Variants in RPGRIP1L observed in about 807,000 individuals in gnomAD.
The protein encoded by RPGRIP1L is protein fantom.
A neutral mutation model predicts 160.4 loss-of-function variants in RPGRIP1L; 131 were observed. The observed-to-expected ratio is 0.82, with a 90% CI of 0.71 to 0.94. The LOEUF is 0.94. RPGRIP1L is among the 40% of genes least tolerant of loss of function. The pLI is 0.00. For missense variants in RPGRIP1L, 1,522 were observed against 1,535.8 expected (o/e 0.99, Z 0.15); for synonymous variants, 510 against 515.8 (o/e 0.99, Z 0.15).
At chr16:53,631,028 C>T (rs751109254) in intron 22 of RPGRIP1L, among the ~76,000 whole-genome samples, 12 of 152,220 alleles carry the variant, frequency 7.9e-5, no homozygotes, top group African/African-American at 2.6e-4. Context: ...CCACCGCACC[C>T]GGCCAAGTAA....
intron 9 of RPGRIP1L, among the ~76,000 whole-genome samples, chr16:53,665,711 G>C (rs550482053): frequency 6.6e-6 from 1 of 152,254 alleles, no homozygotes; most frequent in South Asian, 2.1e-4. Context: ...TAATAATCAA[G>C]ACCCAGCATA....
intron 10 of RPGRIP1L, chr16:53,659,635 C>T (rs1023485482): frequency 6.6e-6 from 1 of 152,214 alleles, no homozygotes; most frequent in Non-Finnish European, 1.5e-5. Context: ...ATAATCTCAG[C>T]ACTTTGGGAG....
chr16:53,673,717 G>C (rs186629581), intron 7 of RPGRIP1L, among the ~76,000 whole-genome samples: 1 of 151,912 alleles, frequency 6.6e-6, no homozygotes, highest in East Asian at 1.9e-4. Context: ...TCATTTAAAT[G>C]ACACATGGCT....
chr16:53,629,865 T>C (rs1432524972), intron 22 of RPGRIP1L, among the ~76,000 whole-genome samples: 1 of 152,162 alleles, frequency 6.6e-6, no homozygotes, highest in Non-Finnish European at 1.5e-5. Context: ...TGGGTTCCAA[T>C]AACAGTAGAG....
chr16:53,692,874 A>C (rs542220444), intron 3 of RPGRIP1L, among the ~76,000 whole-genome samples: 1 of 152,376 alleles, frequency 6.6e-6, no homozygotes, highest in Admixed American at 6.5e-5. Context: ...TATAAAGCCC[A>C]ATGAAAAATT....
chr16:53,619,505 A>T (rs961958602), intron 23 of RPGRIP1L, among the ~76,000 whole-genome samples: 2 of 152,186 alleles, frequency 1.3e-5, no homozygotes, highest in African/African-American at 4.8e-5. Flanking sequence ...AGATTATGAG[A>T]TCTTCATCTC....
chr16:53,605,210 G>A (rs1598204739), intron 26 of RPGRIP1L, among the ~76,000 whole-genome samples: 1 of 151,308 alleles, frequency 6.6e-6, no homozygotes, highest in East Asian at 1.9e-4. Flanking sequence ...TTTTTTTCAC[G>A]CCTTCACTCA....
At chr16:53,653,071 T>A in intron 14 of RPGRIP1L, 84 bp from the exon 15 acceptor site, 2 of 1,114,176 alleles carry the variant, frequency 1.8e-6, no homozygotes, top group African/African-American at 1.5e-5. Flanking sequence ...TAAGAATGAG[T>A]ACTTCTGGTG....
In RPGRIP1L at chr16:53,656,407, A is replaced by T. The variant is rs534907713; in HGVS notation, c.1699+65T>A. ...CACTGTAAGTGCAGATTTGGATGAC[A>T]TTATCAACTGTTATAAAATCCATTC... On this transcript the variant is annotated intron_variant, in intron 14 of 26. Transcript: ENST00000647211. 1.3e-5 allele frequency: 13 copies of T among 1,030,062 alleles called. No individual in the cohort carries two copies. The Admixed American group carries it at 2.2e-4, about 17-fold the overall frequency. The allele number at this position is 1,030,062 out of a possible 1,614,324, so 63.8% of individuals were successfully genotyped here.
intron 4 of RPGRIP1L, among the ~76,000 whole-genome samples, chr16:53,691,642 G>A (rs972653491): frequency 2.0e-5 from 3 of 152,140 alleles, no homozygotes; most frequent in Admixed American, 6.5e-5. Context: ...TCATGCTACC[G>A]CCATCCAATG....
intron 9 of RPGRIP1L, among the ~76,000 whole-genome samples, chr16:53,669,241 CATT>C (rs1295872042): frequency 3.3e-5 from 5 of 152,234 alleles, no homozygotes; most frequent in African/African-American, 1.2e-4. Context: ...ATTTCAAAAA[CATT>C]ATATTAGAGA....
rs1970740270 is a variant in RPGRIP1L, at chr16:53,696,146, A to G, written c.230+5T>C. 3 of 1,613,508 alleles carry G rather than the reference A, an allele frequency of 1.9e-6. No individual in the cohort carries two copies. Among genetic ancestry groups the G allele is most frequent in the Non-Finnish European group, 2.5e-6 (3 of 1,179,782 alleles). ...GAAAAAAAGCTAAAAGCTTTTTATC[A>G]TAACCTTTTAATTTTATCCTCCTGC... On this transcript the variant is annotated splice_donor_5th_base_variant and intron_variant, in intron 3 of 26. Coordinates refer to ENST00000647211, the MANE Select transcript of RPGRIP1L (RefSeq NM_015272.5).
intron 25 of RPGRIP1L, among the ~76,000 whole-genome samples, chr16:53,608,504 A>G (rs962721318): frequency 6.6e-6 from 1 of 152,224 alleles, no homozygotes; most frequent in Admixed American, 6.5e-5. Context: ...TATGACTTCA[A>G]ATAAATACTG....
chr16:53,605,749 A>G (rs1963642072), intron 25 of RPGRIP1L, 135 bp from the exon 26 acceptor site: 3 of 863,782 alleles, frequency 3.5e-6, no homozygotes, highest in East Asian at 5.2e-5. Context: ...AGAAAGGTAC[A>G]CTAGGCTAGA....
chr16:53,603,226 G>A (rs1441784516), intron 26 of RPGRIP1L, among the ~76,000 whole-genome samples: 2 of 152,222 alleles, frequency 1.3e-5, no homozygotes, highest in Middle Eastern at 6.3e-3. Flanking sequence ...CAATACCTGA[G>A]ACTCCATCCC....
In RPGRIP1L at chr16:53,656,540, T is replaced by C. The variant is rs139964287; in HGVS notation, c.1631A>G (p.Tyr544Cys). 1.1e-4 allele frequency: 180 copies of C among 1,613,990 alleles called. No homozygotes were observed. Among genetic ancestry groups the C allele is most frequent in the Non-Finnish European group, 1.4e-4 (170 of 1,179,992 alleles). The change falls in exon 14 of 27, where the codon TAT (tyrosine) becomes TGT (cysteine). Residue 544 changes from tyrosine to cysteine, a missense_variant. Coordinates refer to ENST00000647211, the MANE Select transcript of RPGRIP1L (RefSeq NM_015272.5). ...TRKMENLQQD[Y>C]ELKVEQYVHL... ...AACATACTGTTCCACTTTGAGTTCA[T>C]AATCTTGCTGCAAATTTTCCATCTT... is the stretch of plus-strand genomic sequence containing the variant.
intron 19 of RPGRIP1L, 35 bp downstream of exon 19, chr16:53,640,998 T>A (rs745335658): frequency 1.4e-6 from 2 of 1,431,384 alleles, no homozygotes; most frequent in Admixed American, 1.7e-5. Flanking sequence ...ATATTTGTTA[T>A]GAAAAAATCA....
rs545240242 is a variant in RPGRIP1L at position 53,672,972 on chromosome 16, A to G, written c.927T>C (p.Asn309=). 2 of 1,613,256 alleles carry G rather than the reference A, an allele frequency of 1.2e-6. No homozygotes were observed. The highest frequency in any genetic ancestry group is 2.2e-5 in the South Asian group (2 of 91,062). The stretch of plus-strand genomic sequence containing the variant: ...TAAGTTGCATGTTTAATTCATCCCC[A>G]TTTGCCATCAAAGCATCGTGGCTGA... The part of the protein sequence containing the change: ...LRISHDALMA[N]GDELNMQLKE... The change falls in exon 8 of 27, where the codon AAT becomes AAC. Residue 309 remains asparagine, a synonymous_variant. Coordinates refer to ENST00000647211, the MANE Select transcript of RPGRIP1L (RefSeq NM_015272.5).
chr16:53,646,339 G>A (rs1329361260), intron 16 of RPGRIP1L, among the ~76,000 whole-genome samples: 5 of 152,206 alleles, frequency 3.3e-5, no homozygotes, highest in East Asian at 3.9e-4. Context: ...GTAGATAGAC[G>A]AATGTCCTAA....
Sources: allele counts gnomAD v4.1 joint callset (sites outside exome capture counted in the v4.1 genomes callset), GRCh38; gene constraint gnomAD v4.1.1; transcripts MANE v1.5; gene names NCBI Gene and HGNC (gene_info 2026-07-23, HGNC 2026-07-21).